Variants in PLD5 observed in about 807,000 individuals in gnomAD.
PLD5 encodes the protein inactive phospholipase D5.
In PLD5, 36 loss-of-function variants were observed where a neutral mutation model predicts 61.1. The ratio of observed to expected loss-of-function variants is 0.59; its 90% CI spans 0.45 to 0.78. PLD5 has a LOEUF of 0.78. PLD5 is among the 30% of genes least tolerant of loss of function. The probability of loss-of-function intolerance (pLI) is 0.00; values close to 1 mark genes in which losing one functional copy is unlikely to be tolerated. For synonymous variants in PLD5, 243 were observed against 242.8 expected (o/e 1.00, Z -0.01); for missense variants, 515 against 644.4 (o/e 0.80, Z 2.17).
At chr1:242,499,682 G>A (rs908116668) in intron 1 of PLD5, among the ~76,000 whole-genome samples, 2 of 152,180 alleles carry the variant, frequency 1.3e-5, no homozygotes, top group Non-Finnish European at 2.9e-5. Flanking sequence ...TCTTTTTAAG[G>A]AAGTGTTCCA....
chr1:242,293,246 G>A (rs1418788782), intron 2 of PLD5, among the ~76,000 whole-genome samples: 2 of 152,200 alleles, frequency 1.3e-5, no homozygotes, highest in Non-Finnish European at 2.9e-5. Flanking sequence ...AAGTACTGGA[G>A]ATATTGGAGG....
intron 1 of PLD5, among the ~76,000 whole-genome samples, chr1:242,402,467 T>C (rs1663994292): frequency 6.6e-6 from 1 of 152,122 alleles, no homozygotes. Context: ...CTAAAGGAAA[T>C]AATTTAAAAT....
rs535815660 is a variant in PLD5 at position 242,185,980 on chromosome 1, C to T, written c.735+34008G>A. ...CCAGAAATAGGTGCTTGGCAACAAT[C>T]CCAATTCATTACCCATGTCCTAGCC... is the stretch of plus-strand genomic sequence containing the variant. On this transcript the variant is annotated intron_variant, in intron 5 of 9. Transcript: ENST00000536534. Among the ~76,000 whole-genome samples, 8 of 152,010 alleles carry T rather than the reference C, an allele frequency of 5.3e-5. 1 individual carries two copies. In the South Asian group the frequency reaches 1.5e-3, roughly 28 times the overall value.
At chr1:242,366,576 G>T (rs1196519506) in intron 1 of PLD5, among the ~76,000 whole-genome samples, 2 of 151,990 alleles carry the variant, frequency 1.3e-5, no homozygotes, top group Non-Finnish European at 2.9e-5. Flanking sequence ...TAAAAATAAT[G>T]GCAACAAATT....
At chr1:242,255,812 G>A (rs1458739612) in intron 4 of PLD5, among the ~76,000 whole-genome samples, 3 of 152,070 alleles carry the variant, frequency 2.0e-5, no homozygotes, top group South Asian at 2.1e-4. Context: ...TTAAAATAAT[G>A]TAGCTAAAAG....
At chr1:242,209,643 G>C (rs1669666575) in intron 5 of PLD5, among the ~76,000 whole-genome samples, 1 of 149,176 alleles carries the variant, frequency 6.7e-6, no homozygotes, top group Admixed American at 6.9e-5. Context: ...TGTTCTGACT[G>C]CTCTGTAGAC....
chr1:242,124,858 C>T (rs971350808), intron 5 of PLD5, among the ~76,000 whole-genome samples, 193 bp from the exon 6 acceptor site: 7 of 152,026 alleles, frequency 4.6e-5, no homozygotes, highest in African/African-American at 1.5e-4. Context: ...TAAAATTTTG[C>T]TGGTTTTTTG....
intron 5 of PLD5, among the ~76,000 whole-genome samples, chr1:242,165,452 G>GAA (rs34435412): frequency 1.7e-5 from 2 of 115,630 alleles, no homozygotes; most frequent in African/African-American, 6.2e-5. Context: ...GCTTTAAAGG[G>GAA]AAAAAAAAAA....
At chr1:242,323,585 C>T (rs1658558408) in intron 2 of PLD5, among the ~76,000 whole-genome samples, 1 of 152,204 alleles carries the variant, frequency 6.6e-6, no homozygotes, top group South Asian at 2.1e-4. Context: ...TACAACAAAT[C>T]ACTCCAGTCC....
intron 1 of PLD5, among the ~76,000 whole-genome samples, chr1:242,421,450 G>T (rs1053711804): frequency 6.6e-6 from 1 of 152,162 alleles, no homozygotes; most frequent in African/African-American, 2.4e-5. Context: ...AGGTCAATCT[G>T]AACCTTGTAA....
intron 1 of PLD5, among the ~76,000 whole-genome samples, chr1:242,398,569 T>G (rs773375449): frequency 1.3e-5 from 2 of 152,224 alleles, no homozygotes; most frequent in Non-Finnish European, 2.9e-5. Context: ...AACTCTTGTA[T>G]TGTAATCATA....
chr1:242,447,509 G>A (rs1011063789), intron 1 of PLD5, among the ~76,000 whole-genome samples: 1 of 152,196 alleles, frequency 6.6e-6, no homozygotes, highest in African/African-American at 2.4e-5. Flanking sequence ...GGTTGCCTAG[G>A]CAAAAGCTAG....
At chr1:242,432,801 A>G (rs529456266) in intron 1 of PLD5, among the ~76,000 whole-genome samples, 1 of 152,320 alleles carries the variant, frequency 6.6e-6, no homozygotes, top group African/African-American at 2.4e-5. Flanking sequence ...GGGAAAAGCT[A>G]CAGGAAGAAA....
chr1:242,243,840 T>C (rs1672204891), intron 4 of PLD5, among the ~76,000 whole-genome samples: 1 of 152,210 alleles, frequency 6.6e-6, no homozygotes, highest in Admixed American at 6.5e-5. Flanking sequence ...GAGCTTCTGC[T>C]TTTTAATTGG....
intron 1 of PLD5, among the ~76,000 whole-genome samples, chr1:242,435,019 G>A (rs983735850): frequency 1.3e-5 from 2 of 150,734 alleles, no homozygotes; most frequent in African/African-American, 2.5e-5. Context: ...TTTTCCTGAT[G>A]CTCTCCCCTC....
chr1:242,291,699 G>A (rs1386834010), intron 2 of PLD5, among the ~76,000 whole-genome samples: 13 of 152,052 alleles, frequency 8.5e-5, no homozygotes, highest in East Asian at 3.9e-4. Flanking sequence ...CCAGCTACTC[G>A]GGAGGCTGAG....
upstream of PLD5, among the ~76,000 whole-genome samples, chr1:242,526,064 C>T (rs1669438125): frequency 6.6e-6 from 1 of 152,096 alleles, no homozygotes; most frequent in Non-Finnish European, 1.5e-5. Context: ...GAAAGTGAAG[C>T]AGAAGCAGAA....
chr1:242,443,957 G>T (rs988860333), intron 1 of PLD5, among the ~76,000 whole-genome samples: 3 of 152,246 alleles, frequency 2.0e-5, no homozygotes. Flanking sequence ...CATGTATGGT[G>T]GCTTCTGTGT....
chr1:242,423,833 G>C (rs1237479023), intron 1 of PLD5, among the ~76,000 whole-genome samples: 1 of 152,044 alleles, frequency 6.6e-6, no homozygotes, highest in Non-Finnish European at 1.5e-5. Flanking sequence ...CATAACAAGG[G>C]TTCAATGAAT....
Sources: gnomAD v4.1 joint callset for allele counts (sites outside exome capture counted in the v4.1 genomes callset) on GRCh38, gnomAD v4.1.1 for gene constraint, MANE v1.5 for transcripts, NCBI Gene and HGNC (gene_info 2026-07-23, HGNC 2026-07-21) for gene names.